ANAPC10: variants seen among roughly 807,000 people sequenced by gnomAD.
ANAPC10 encodes anaphase-promoting complex subunit 10.
In ANAPC10, 12 loss-of-function variants were observed where a neutral mutation model predicts 22.0. The observed-to-expected ratio is 0.55, with a 90% CI of 0.35 to 0.88. ANAPC10 has a LOEUF of 0.88. Among genes scored for constraint, ANAPC10 ranks in the 40% least tolerant of loss-of-function variants. ANAPC10 has a pLI of 0.01. For synonymous variants in ANAPC10, 65 were observed against 69.5 expected (o/e 0.94, Z 0.32); for missense variants, 188 against 220.9 (o/e 0.85, Z 0.94).
At chr4:145,016,721 T>G (rs758357933) in intron 4 of ANAPC10, among the ~76,000 whole-genome samples, 2 of 152,154 alleles carry the variant, frequency 1.3e-5, no homozygotes, top group South Asian at 4.1e-4. Flanking sequence ...CTTCAAACTA[T>G]ACTACAAGGC....
chr4:144,998,642 C>G (rs2126836471), intron 4 of ANAPC10, among the ~76,000 whole-genome samples: 1 of 152,236 alleles, frequency 6.6e-6, no homozygotes, highest in East Asian at 1.9e-4. Flanking sequence ...ATTTATAGCA[C>G]TAAATGCCCA....
At position 145,039,635 on chromosome 4, in the gene ANAPC10, G is replaced by A. The variant is rs182412755; in HGVS notation, c.327+24937C>T. On this transcript the variant is annotated intron_variant, in intron 4 of 4. Coordinates refer to ENST00000507656, the MANE Select transcript of ANAPC10 (RefSeq NM_001256706.2). ...GTTTGAAACACAGTCTCGCTCTGTC[G>A]CCTGGCTGGAGTGCAGTGGCTAGAT... Among the ~76,000 whole-genome samples the A allele has an allele frequency of 1.7e-3, 256 of 151,584 alleles. 1 individual carries two copies. The highest frequency in any genetic ancestry group is 5.8e-3 in the African/African-American group (241 of 41,294).
chr4:145,091,993 G>A (rs958772086), intron 2 of ANAPC10, among the ~76,000 whole-genome samples: 3 of 152,148 alleles, frequency 2.0e-5, no homozygotes, highest in African/African-American at 7.2e-5. Context: ...GCTGCACTAG[G>A]AAAACAGAGA....
At position 145,020,844 on chromosome 4, in the gene ANAPC10, A is replaced by T. The variant is rs114266442; in HGVS notation, c.328-25241T>A. Among the ~76,000 whole-genome samples, 653 of 152,052 alleles carry T rather than the reference A, an allele frequency of 4.3e-3. 8 individuals carry two copies. Among genetic ancestry groups the T allele is most frequent in the African/African-American group, 0.014 (576 of 41,546 alleles). On this transcript the variant is annotated intron_variant, in intron 4 of 4. Transcript: ENST00000507656. ...ATCCTTTTTACAATAGCTGCAAAAA[A>T]AAAAATAAAAAAGACAAAGAAAAAA...
Position 145,034,509 on chromosome 4 carries a change from TAAC to T in ANAPC10, c.327+30060_327+30062del, listed in dbSNP as rs527734218. The stretch of plus-strand genomic sequence containing the variant: ...CCTTGTGATTCTGTAAGTTAACACT[TAAC>T]AAACTCTCCTTTATATATATATATA... On this transcript the variant is annotated intron_variant, in intron 4 of 4. Coordinates refer to ENST00000507656, the MANE Select transcript of ANAPC10 (RefSeq NM_001256706.2). Among the ~76,000 whole-genome samples the T allele has an allele frequency of 2.6e-3, 313 of 119,178 alleles. 2 individuals are homozygous for T. The highest frequency in any genetic ancestry group is 7.1e-3 in the South Asian group (27 of 3,820). The allele number at this position is 119,178 out of a possible 152,430, so 78.2% of individuals were successfully genotyped here. A position where few individuals can be genotyped will look rare whatever the true frequency, so the allele number is the denominator to read the frequency against.
chr4:145,003,912 T>A lies in ANAPC10; in HGVS notation c.328-8309A>T, dbSNP rs77258129. 1.5e-3 allele frequency among the ~76,000 whole-genome samples: 223 copies of A among 152,310 alleles called. 1 individual carries two copies. Among genetic ancestry groups the A allele is most frequent in the African/African-American group, 5.0e-3 (209 of 41,578 alleles). On this transcript the variant is annotated intron_variant, in intron 4 of 4. Coordinates refer to ENST00000507656, the MANE Select transcript of ANAPC10 (RefSeq NM_001256706.2). The stretch of plus-strand genomic sequence containing the variant: ...GTAATTTGATAGGTATAGCACTGAA[T>A]CTGTAAATAGCTTTGGGCAGTATGG...
At chr4:145,014,250 G>A (rs879328359) in intron 4 of ANAPC10, among the ~76,000 whole-genome samples, 1 of 152,098 alleles carries the variant, frequency 6.6e-6, no homozygotes, top group African/African-American at 2.4e-5. Context: ...TTGGTGGGGG[G>A]CACAGTGTGA....
intron 4 of ANAPC10, among the ~76,000 whole-genome samples, chr4:145,034,539 A>G (rs1346713046): frequency 2.1e-5 from 3 of 139,692 alleles, no homozygotes; most frequent in African/African-American, 8.4e-5. Context: ...ATATATATAT[A>G]TATATGTGTG....
At chr4:145,016,383 C>A (rs1222307303) in intron 4 of ANAPC10, among the ~76,000 whole-genome samples, 1 of 151,968 alleles carries the variant, frequency 6.6e-6, no homozygotes, top group African/African-American at 2.4e-5. Flanking sequence ...GCCTCAAAGA[C>A]AATAAAATAC....
intron 4 of ANAPC10, among the ~76,000 whole-genome samples, chr4:144,997,333 G>C (rs1048474148): frequency 2.6e-5 from 4 of 152,188 alleles, no homozygotes. Context: ...AGGGCAGCCA[G>C]ACAGAAAGGT....
chr4:145,008,320 T>C (rs1361370799), intron 4 of ANAPC10, among the ~76,000 whole-genome samples: 2 of 152,132 alleles, frequency 1.3e-5, no homozygotes, highest in South Asian at 2.1e-4. Context: ...GAGGGAATCC[T>C]CCCTACCTCA....
chr4:144,995,667 G>A (rs994038587), intron 4 of ANAPC10, 64 bp from the exon 5 acceptor site: 1 of 1,047,284 alleles, frequency 9.5e-7, no homozygotes, highest in South Asian at 1.6e-5. Context: ...AACAATGAAT[G>A]CATTCTATAA....
At chr4:144,999,813 C>T (rs1363991455) in intron 4 of ANAPC10, among the ~76,000 whole-genome samples, 2 of 152,156 alleles carry the variant, frequency 1.3e-5, no homozygotes, top group Non-Finnish European at 2.9e-5. Context: ...TACTACACGG[C>T]TACAGTAACC....
At chr4:145,097,192 A>T (rs1331201161) in intron 1 of ANAPC10, 1 of 329,188 alleles carries the variant, frequency 3.0e-6, no homozygotes, top group Non-Finnish European at 5.9e-6. Context: ...ACAGAGCAAG[A>T]CACTGTCCCA....
At chr4:145,065,829 T>A (rs1743591461) in intron 3 of ANAPC10, among the ~76,000 whole-genome samples, 1 of 152,002 alleles carries the variant, frequency 6.6e-6, no homozygotes, top group East Asian at 1.9e-4. Context: ...TATTTGTATA[T>A]AGAAAAAGAC....
chr4:145,001,318 T>C (rs1732535541), intron 4 of ANAPC10, among the ~76,000 whole-genome samples: 1 of 151,922 alleles, frequency 6.6e-6, no homozygotes, highest in South Asian at 2.1e-4. Flanking sequence ...TGCTACAACA[T>C]GGATGAACCT....
chr4:145,041,732 T>C (rs975551241), intron 4 of ANAPC10, among the ~76,000 whole-genome samples: 3 of 152,222 alleles, frequency 2.0e-5, no homozygotes, highest in South Asian at 4.1e-4. Context: ...ATTGGATCTA[T>C]TGACTAAAAT....
intron 4 of ANAPC10, among the ~76,000 whole-genome samples, chr4:145,050,318 T>C (rs143197016): frequency 6.6e-6 from 1 of 152,348 alleles, no homozygotes; most frequent in Non-Finnish European, 1.5e-5. Flanking sequence ...GGGATTAAAA[T>C]ATTCAGGAAC....
rs561362392 is a variant in ANAPC10 at position 145,051,149 on chromosome 4, C to T, written c.327+13423G>A. 1.6e-4 allele frequency among the ~76,000 whole-genome samples: 25 copies of T among 152,166 alleles called. No homozygotes were observed. In the South Asian group the frequency reaches 5.2e-3, roughly 32 times the overall value. The stretch of plus-strand genomic sequence containing the variant: ...AGAGACCATCATCATTAGTTAGAGG[C>T]CTAATTGAATCAAGCCAATTAATTA... On this transcript the variant is annotated intron_variant, in intron 4 of 4. Coordinates refer to ENST00000507656, the MANE Select transcript of ANAPC10 (RefSeq NM_001256706.2).
Sources: gnomAD v4.1 joint callset for allele counts (sites outside exome capture counted in the v4.1 genomes callset) on GRCh38, gnomAD v4.1.1 for gene constraint, MANE v1.5 for transcripts, NCBI Gene and HGNC (gene_info 2026-07-23, HGNC 2026-07-21) for gene names.